VSTM2B: variants seen among roughly 807,000 people sequenced by gnomAD.
The protein encoded by VSTM2B is V-set and transmembrane domain containing 2B.
A neutral mutation model predicts 24.0 loss-of-function variants in VSTM2B; 24 were observed. That is an observed-to-expected ratio of 1.00 (90% CI 0.72 to 1.40). The LOEUF (loss-of-function observed/expected upper bound fraction) is 1.40, where lower values mean the gene tolerates loss of function less well. Ranked by LOEUF, VSTM2B falls within the 40% of genes most tolerant of loss-of-function variation. The probability of loss-of-function intolerance (pLI) is 0.00; values close to 1 mark genes in which losing one functional copy is unlikely to be tolerated. For missense variants in VSTM2B, 399 were observed against 416.4 expected (o/e 0.96, Z 0.36); for synonymous variants, 226 against 194.4 (o/e 1.16, Z -1.35).
intron 4 of VSTM2B, among the ~76,000 whole-genome samples, chr19:29,536,180 G>C (rs535113297): frequency 8.2e-4 from 125 of 152,314 alleles, no homozygotes; most frequent in Admixed American, 1.8e-3. Context: ...CTTGCCATAA[G>C]GGGGAACCAG....
chr19:29,532,821 G>A (rs1221419580), intron 4 of VSTM2B, among the ~76,000 whole-genome samples: 1 of 152,216 alleles, frequency 6.6e-6, no homozygotes, highest in African/African-American at 2.4e-5. Context: ...GCTATGGAGG[G>A]CCTTGAATGC....
At chr19:29,561,879 A>G (rs1970536207) in intron 4 of VSTM2B, among the ~76,000 whole-genome samples, 1 of 152,206 alleles carries the variant, frequency 6.6e-6, no homozygotes, top group African/African-American at 2.4e-5. Context: ...TGCAGTGACA[A>G]ACGCAGGACG....
intron 4 of VSTM2B, among the ~76,000 whole-genome samples, chr19:29,547,132 G>A (rs751864099): frequency 1.3e-5 from 2 of 152,178 alleles, no homozygotes; most frequent in Admixed American, 6.5e-5. Flanking sequence ...AGGACCCCCC[G>A]TTAAATTTGA....
intron 4 of VSTM2B, among the ~76,000 whole-genome samples, chr19:29,545,379 G>A (rs1461183124): frequency 6.6e-6 from 1 of 152,180 alleles, no homozygotes; most frequent in Non-Finnish European, 1.5e-5. Context: ...TTGGGAGGCC[G>A]AGGCGGTTAG....
At chr19:29,552,178 C>G (rs563888366) in intron 4 of VSTM2B, among the ~76,000 whole-genome samples, 1 of 152,364 alleles carries the variant, frequency 6.6e-6, no homozygotes, top group South Asian at 2.1e-4. Flanking sequence ...TGCTGATGTA[C>G]AGACCCCACT....
intron 4 of VSTM2B, among the ~76,000 whole-genome samples, chr19:29,548,354 G>C (rs565372030): frequency 6.6e-6 from 1 of 152,120 alleles, no homozygotes; most frequent in Admixed American, 6.6e-5. Context: ...TCAAAGGTCC[G>C]CACCCCACAC....
chr19:29,537,548 C>G (rs1426645353), intron 4 of VSTM2B, among the ~76,000 whole-genome samples: 2 of 152,166 alleles, frequency 1.3e-5, no homozygotes, highest in African/African-American at 4.8e-5. Flanking sequence ...GTCGTTACTG[C>G]TCTCTGGGCT....
At chr19:29,548,340 G>T in intron 4 of VSTM2B, among the ~76,000 whole-genome samples, 1 of 152,134 alleles carries the variant, frequency 6.6e-6, no homozygotes, top group East Asian at 1.9e-4. Context: ...TGTCTCGTCT[G>T]CTCTCAAAGG....
At chr19:29,535,436 C>G (rs1007071266) in intron 4 of VSTM2B, among the ~76,000 whole-genome samples, 64 of 152,212 alleles carry the variant, frequency 4.2e-4, no homozygotes, top group African/African-American at 1.5e-3. Flanking sequence ...CCTCAGGGCT[C>G]TGGCTCCAAG....
chr19:29,527,742 C>G (rs1257227287), intron 2 of VSTM2B, among the ~76,000 whole-genome samples: 1 of 152,156 alleles, frequency 6.6e-6, no homozygotes, highest in Non-Finnish European at 1.5e-5. Context: ...CCATCAGGCT[C>G]TCCCCGCCCT....
intron 4 of VSTM2B, among the ~76,000 whole-genome samples, chr19:29,544,114 C>T (rs370264381): frequency 6.8e-6 from 1 of 147,028 alleles, no homozygotes; most frequent in Admixed American, 6.8e-5. Flanking sequence ...TATATATATA[C>T]CTATATATAT....
chr19:29,526,784 G>A lies in VSTM2B; in HGVS notation c.82+119G>A. ...CTTCGCGGTCTCCAGCAATCCCGCTGTGCAGCCTGGGCCCGGAGGGGTAGG... is the reference window on the plus strand; with the variant it reads ...CTTCGCGGTCTCCAGCAATCCCGCTATGCAGCCTGGGCCCGGAGGGGTAGG... On this transcript the variant is annotated intron_variant, in intron 1 of 4. Coordinates refer to ENST00000335523, the MANE Select transcript of VSTM2B (RefSeq NM_001146339.2). The surrounding 1 kb of genome is among the most constrained non-coding windows in gnomAD (Gnocchi z 4.1). 1 of 958,534 alleles carries A rather than the reference G, an allele frequency of 1.0e-6. No individual in the cohort carries two copies. The highest frequency in any genetic ancestry group is 1.6e-5 in the South Asian group (1 of 60,800). 59.4% of individuals were successfully genotyped at this position (958,534 alleles called of 1,614,324 possible).
intron 4 of VSTM2B, among the ~76,000 whole-genome samples, chr19:29,543,451 G>A (rs1419449511): frequency 6.6e-6 from 1 of 152,240 alleles, no homozygotes; most frequent in Non-Finnish European, 1.5e-5. Context: ...AGGTGTCACT[G>A]AGGTGGAACC....
At position 29,530,406 on chromosome 19, in the gene VSTM2B, G is replaced by A. The variant is rs1274947659; in HGVS notation, c.769+116G>A. ...CCGCCCCCTGGGCGCATTTGCATAT[G>A]CATACTCCTTCCTAGTTAGGTCGGG... On this transcript the variant is annotated intron_variant, in intron 4 of 4. Transcript: ENST00000335523. 3.3e-6 allele frequency: 3 copies of A among 904,104 alleles called. No individual in the cohort carries two copies. In the South Asian group the frequency reaches 6.3e-5, roughly 19 times the overall value. 56.0% of individuals were successfully genotyped at this position (904,104 alleles called of 1,614,324 possible).
At chr19:29,527,104 G>A in intron 1 of VSTM2B, 107 bp from the exon 2 acceptor site, 1 of 1,008,666 alleles carries the variant, frequency 9.9e-7, no homozygotes, top group Non-Finnish European at 1.4e-6. Context: ...CAGCTGCGGG[G>A]TGGGGGGCAC....
At chr19:29,530,658 G>A (rs1282275613) in intron 4 of VSTM2B, among the ~76,000 whole-genome samples, 1 of 152,174 alleles carries the variant, frequency 6.6e-6, no homozygotes, top group Non-Finnish European at 1.5e-5. Flanking sequence ...AGCCACCACC[G>A]GTGGTGGAAA....
intron 4 of VSTM2B, among the ~76,000 whole-genome samples, chr19:29,544,442 C>T (rs1301462991): frequency 1.5e-5 from 2 of 132,196 alleles, no homozygotes; most frequent in Admixed American, 8.9e-5. Flanking sequence ...AGGAGAATGG[C>T]GTGAACCCGG....
At chr19:29,550,101 C>T (rs1469040685) in intron 4 of VSTM2B, among the ~76,000 whole-genome samples, 3 of 152,230 alleles carry the variant, frequency 2.0e-5, no homozygotes, top group Non-Finnish European at 4.4e-5. Flanking sequence ...CAGCTTGGCT[C>T]TCTAACCTTT....
At chr19:29,563,771 G>C in intron 4 of VSTM2B, 75 bp from the exon 5 acceptor site, 2 of 1,379,570 alleles carry the variant, frequency 1.4e-6, no homozygotes, top group South Asian at 1.3e-5. Flanking sequence ...AAGCCTCACT[G>C]TTCCTGGTCT....
Sources: gnomAD v4.1 joint callset for allele counts (sites outside exome capture counted in the v4.1 genomes callset) on GRCh38, gnomAD v4.1.1 for gene constraint, Gnocchi (gnomAD v3.1) non-coding constraint, MANE v1.5 for transcripts, NCBI Gene and HGNC (gene_info 2026-07-23, HGNC 2026-07-21) for gene names.